The following ACP1 variants were observed in gnomAD, a reference collection of about 807,000 sequenced individuals.
The protein encoded by ACP1 is acid phosphatase 1.
A neutral mutation model predicts 23.4 loss-of-function variants in ACP1; 23 were observed. The observed-to-expected ratio is 0.98, with a 90% CI of 0.71 to 1.39. ACP1 has a LOEUF of 1.39. Among genes scored for constraint, ACP1 ranks in the 40% most tolerant of loss-of-function variants. ACP1 has a pLI of 0.00. For synonymous variants in ACP1, 72 were observed against 67.2 expected, an observed-to-expected ratio of 1.07 and a Z score of -0.35; for missense variants, 180 against 197.7, an observed-to-expected ratio of 0.91 and a Z score of 0.54.
At position 277,517 on chromosome 2, in the gene ACP1, G is replaced by A; in HGVS notation, c.*213G>A. 1.7e-6 allele frequency: 1 copy of A among 582,320 alleles called. No homozygotes were observed. The highest frequency in any genetic ancestry group is 2.0e-5 in the South Asian group (1 of 48,798). The allele number at this position is 582,320 out of a possible 1,614,324, so 36.1% of individuals were successfully genotyped here. A position where few individuals can be genotyped will look rare whatever the true frequency, so the allele number is the denominator to read the frequency against. ...AATCTTTGATTCAGACAGCTTATGG[G>A]GTATTTTAAGCATTCTTAGACTAGT... is the stretch of plus-strand genomic sequence containing the variant. On this transcript the variant is annotated 3_prime_UTR_variant, in exon 6 of 6. Coordinates refer to ENST00000272065, the MANE Select transcript of ACP1 (RefSeq NM_004300.4).
At chr2:271,834 C>G in intron 1 of ACP1, 32 bp from the exon 2 acceptor site, 1 of 1,579,732 alleles carries the variant, frequency 6.3e-7, no homozygotes, top group Non-Finnish European at 8.7e-7. Context: ...TCCAACCTAA[C>G]CCTGTTTCCC....
chr2:276,387 CTG>C (rs1670175769), intron 4 of ACP1, among the ~76,000 whole-genome samples: 1 of 152,210 alleles, frequency 6.6e-6, no homozygotes, highest in Non-Finnish European at 1.5e-5. Context: ...AAGCACGTAC[CTG>C]ACTCATCAAC....
At chr2:277,131 T>G (rs1371790426) in intron 5 of ACP1, 46 bp downstream of exon 5, 1 of 1,565,464 alleles carries the variant, frequency 6.4e-7, no homozygotes, top group Non-Finnish European at 8.8e-7. Context: ...ACCCAACACA[T>G]TTGTATCCTG....
rs554566217 is a variant in ACP1 at position 272,074 on chromosome 2, T to C, written c.155T>C (p.Ile52Thr). Residue 52 changes from isoleucine to threonine, a missense_variant, in exon 3 of 6, where the codon ATA becomes ACA. By Grantham distance (89) the Ile-to-Thr change is moderately conservative. Coordinates refer to ENST00000272065, the MANE Select transcript of ACP1 (RefSeq NM_004300.4). The stretch of plus-strand genomic sequence containing the variant: ...AGCGCGGCAACTTCCGGGTATGAGA[T>C]AGGGAACCCCCCTGACTACCGAGGG... ...VDSAATSGYE[I>T]GNPPDYRGQS... The C allele has an allele frequency of 3.9e-5, 63 of 1,613,758 alleles. No individual in the cohort carries two copies. Among genetic ancestry groups the C allele is most frequent in the Non-Finnish European group, 5.1e-5 (60 of 1,180,020 alleles).
intron 3 of ACP1, among the ~76,000 whole-genome samples, chr2:273,546 G>A (rs1658643358): frequency 6.6e-6 from 1 of 152,216 alleles, no homozygotes; most frequent in Admixed American, 6.5e-5. Context: ...CTGCTTTTGT[G>A]CTAGAGCAGC....
intron 3 of ACP1, chr2:272,504 G>A: frequency 7.0e-7 from 1 of 1,424,552 alleles, no homozygotes; most frequent in Non-Finnish European, 9.1e-7. Context: ...TTATTAAAAT[G>A]CACATAAAAG....
At chr2:276,573 T>C (rs898645027) in intron 4 of ACP1, among the ~76,000 whole-genome samples, 5 of 151,842 alleles carry the variant, frequency 3.3e-5, no homozygotes, top group African/African-American at 1.2e-4. Flanking sequence ...AATTAAGGAG[T>C]GGGTCGTGCT....
intron 1 of ACP1, among the ~76,000 whole-genome samples, chr2:265,481 G>C (rs1308169740): frequency 6.6e-6 from 1 of 152,168 alleles, no homozygotes; most frequent in Non-Finnish European, 1.5e-5. Flanking sequence ...CGGGTTTCTT[G>C]ATTGTAAAAG....
intron 3 of ACP1, among the ~76,000 whole-genome samples, chr2:273,996 C>G (rs935525092): frequency 6.6e-6 from 1 of 151,982 alleles, no homozygotes. Context: ...CCCATCTCTA[C>G]CAAAAAAATT....
chr2:266,063 G>A (rs1669869434), intron 1 of ACP1, among the ~76,000 whole-genome samples: 1 of 152,104 alleles, frequency 6.6e-6, no homozygotes. Context: ...GTGTAATATA[G>A]TAAAAGATGT....
intron 1 of ACP1, chr2:269,156 C>T (rs1024025480): frequency 5.8e-6 from 2 of 343,210 alleles, no homozygotes; most frequent in African/African-American, 4.3e-5. Context: ...GGAAGCCTTT[C>T]AATAATTAAA....
At chr2:271,727 C>T (rs1670036593) in intron 1 of ACP1, 139 bp from the exon 2 acceptor site, 4 of 724,100 alleles carry the variant, frequency 5.5e-6, no homozygotes, top group South Asian at 4.9e-5. Flanking sequence ...TGGACAAAGG[C>T]GTCAAAGGAT....
chr2:271,926 A>G lies in ACP1; in HGVS notation c.104A>G (p.Asn35Ser), dbSNP rs1410883447. 3 of 1,613,408 alleles carry G rather than the reference A, an allele frequency of 1.9e-6. No individual in the cohort carries two copies. Reference sequence around the variant, plus strand: ...TTCAGGAAACTTGTAACCGATCAAAACATCTCAGAGAATGTAAGTACCATT... The same window carrying G: ...TTCAGGAAACTTGTAACCGATCAAAGCATCTCAGAGAATGTAAGTACCATT... The part of the protein sequence containing the change: ...AVFRKLVTDQ[N>S]ISENWRVDSA... Residue 35 changes from asparagine to serine, a missense_variant, in exon 2 of 6, where the codon AAC becomes AGC. Physicochemically the swap from Asn to Ser is conservative, Grantham distance 46. Transcript: ENST00000272065.
At chr2:267,649 T>G (rs576209416) in intron 1 of ACP1, among the ~76,000 whole-genome samples, 229 of 152,370 alleles carry the variant, frequency 1.5e-3, no homozygotes, top group African/African-American at 4.9e-3. Context: ...TCAGGATTCC[T>G]CATCTATACC....
chr2:275,237 C>CT (rs754992529), intron 4 of ACP1, 36 bp downstream of exon 4: 2 of 1,308,242 alleles, frequency 1.5e-6, no homozygotes, highest in Admixed American at 3.5e-5. Context: ...CTGTTCAACT[C>CT]TCAGTTCAGC....
chr2:274,422 G>C (rs1372407347), intron 3 of ACP1, among the ~76,000 whole-genome samples: 1 of 152,170 alleles, frequency 6.6e-6, no homozygotes, highest in Admixed American at 6.5e-5. Flanking sequence ...TTTTAAGTAG[G>C]TGTGTTTATA....
At chr2:276,556 G>A (rs1045145063) in intron 4 of ACP1, among the ~76,000 whole-genome samples, 1 of 152,182 alleles carries the variant, frequency 6.6e-6, no homozygotes, top group Non-Finnish European at 1.5e-5. Flanking sequence ...ATAAAAGATG[G>A]AAGAGTAATT....
chr2:277,816 A>G lies in ACP1; in HGVS notation c.*512A>G, dbSNP rs1670218378. On this transcript the variant is annotated 3_prime_UTR_variant, in exon 6 of 6. Transcript: ENST00000272065. ...CTAGATTAGAAGTGTTTTAATTTCT[A>G]CACACCCATAGTGCACACTTGTATA... is the stretch of plus-strand genomic sequence containing the variant. 3 of 163,590 alleles carry G rather than the reference A, an allele frequency of 1.8e-5. No homozygotes were observed. Among genetic ancestry groups the G allele is most frequent in the Admixed American group, 1.7e-4 (3 of 17,544 alleles). 10.1% of individuals were successfully genotyped at this position (163,590 alleles called of 1,614,324 possible).
chr2:269,552 G>A (rs952363092), intron 1 of ACP1, among the ~76,000 whole-genome samples: 1 of 152,024 alleles, frequency 6.6e-6, no homozygotes, highest in Admixed American at 6.5e-5. Context: ...CCTCTTTTTC[G>A]TATCTGTTTC....
Sources: allele counts gnomAD v4.1 joint callset (sites outside exome capture counted in the v4.1 genomes callset), GRCh38; gene constraint gnomAD v4.1.1; transcripts MANE v1.5; gene names NCBI Gene and HGNC (gene_info 2026-07-23, HGNC 2026-07-21).